The following KCNMB1 variants were observed in gnomAD, a reference collection of about 807,000 sequenced individuals.
KCNMB1 encodes calcium-activated potassium channel subunit beta-1.
Under a neutral mutation model 21.7 loss-of-function variants are expected in KCNMB1, and 22 were observed. The ratio of observed to expected loss-of-function variants is 1.01; its 90% CI spans 0.72 to 1.45. The LOEUF is 1.45. KCNMB1 is among the 40% of genes most tolerant of loss of function. The pLI is 0.00. For synonymous variants in KCNMB1, 114 were observed against 107.6 expected, an observed-to-expected ratio of 1.06 and a Z score of -0.37; for missense variants, 243 against 243.4, an observed-to-expected ratio of 1.00 and a Z score of 0.01.
At chr5:170,386,878 C>T (rs1010074807) in intron 1 of KCNMB1, among the ~76,000 whole-genome samples, 15 of 151,880 alleles carry the variant, frequency 9.9e-5, no homozygotes, top group Non-Finnish European at 1.9e-4. Flanking sequence ...CTTGTTTTTC[C>T]CCTGGACATT....
rs1274065425 is a variant in KCNMB1, at chr5:170,377,021, A to G, written c.*1683T>C. 1 of 152,200 alleles carries G rather than the reference A, an allele frequency of 6.6e-6. No individual in the cohort carries two copies. The highest frequency in any genetic ancestry group is 1.5e-5 in the Non-Finnish European group (1 of 68,048). 9.4% of individuals were successfully genotyped at this position (152,200 alleles called of 1,614,324 possible). A position where few individuals can be genotyped will look rare whatever the true frequency, so the allele number is the denominator to read the frequency against. On this transcript the variant is annotated 3_prime_UTR_variant, in exon 4 of 4. Coordinates refer to ENST00000274629, the MANE Select transcript of KCNMB1 (RefSeq NM_004137.4). The stretch of plus-strand genomic sequence containing the variant: ...TAGATGAAAAAACTAAGAATCAAAG[A>G]GATGAAATCGGGCAGAGTAGAGACA...
intron 3 of KCNMB1, among the ~76,000 whole-genome samples, chr5:170,381,601 G>C (rs1410706202): frequency 2.4e-4 from 37 of 152,196 alleles, no homozygotes; most frequent in Non-Finnish European, 4.6e-4. Context: ...CCCAGCTCCT[G>C]CAGCCTGCTA....
intron 3 of KCNMB1, chr5:170,383,396 C>T (rs1270128648): frequency 1.7e-6 from 1 of 599,710 alleles, no homozygotes; most frequent in Non-Finnish European, 3.0e-6. Flanking sequence ...GATAACAGCT[C>T]TTCAAGGTGC....
chr5:170,385,411 C>T lies in KCNMB1; in HGVS notation c.37G>A (p.Glu13Lys), dbSNP rs776969311. ...ACACCCAGGCAAAGGGCTCGTGTCT[C>T]TCCCCGCTTCTGGGCCATCACCAGC... ...KKLVMAQKRGETRALCLGVTM... is the reference protein window; with the variant it reads ...KKLVMAQKRGKTRALCLGVTM... Residue 13 changes from glutamate to lysine, a missense_variant, in exon 2 of 4, where the codon GAG (glutamate) becomes AAG (lysine). By Grantham distance (56) the Glu-to-Lys change is moderately conservative. Transcript: ENST00000274629. 11 of 1,614,108 alleles carry T rather than the reference C, an allele frequency of 6.8e-6. No homozygotes were observed. Among genetic ancestry groups the T allele is most frequent in the Non-Finnish European group, 9.3e-6 (11 of 1,180,026 alleles).
chr5:170,376,743 TACC>T lies in KCNMB1; in HGVS notation c.*1958_*1960del, dbSNP rs1206582488. On this transcript the variant is annotated 3_prime_UTR_variant, in exon 4 of 4. Coordinates refer to ENST00000274629, the MANE Select transcript of KCNMB1 (RefSeq NM_004137.4). ...TGCATAATATTCCATGACGTATACG[TACC>T]ACATTTTCTTTAATAATGGGTACTA... The T allele has an allele frequency of 6.6e-6, 1 of 152,226 alleles. No individual in the cohort carries two copies. Among genetic ancestry groups the T allele is most frequent in the Admixed American group, 6.5e-5 (1 of 15,286 alleles). 9.4% of individuals were successfully genotyped at this position (152,226 alleles called of 1,614,324 possible).
intron 1 of KCNMB1, among the ~76,000 whole-genome samples, chr5:170,386,994 A>G (rs1278451839): frequency 6.6e-6 from 1 of 151,980 alleles, no homozygotes; most frequent in Admixed American, 6.6e-5. Flanking sequence ...CAGCCCCTCA[A>G]TCTATGCCGC....
rs150688547 is a variant in KCNMB1, at chr5:170,378,953, G to A, written c.327C>T (p.Ser109=). The change falls in exon 4 of 4, where the codon AGC becomes AGT. Residue 109 remains serine, a synonymous_variant. Transcript: ENST00000274629. ...QNQQCSYIPG[S]VDNYQTARAD... ...CCCGGGCCGTCTGGTAATTGTCCAC[G>A]CTGCCTGGGATGTAGGAGCACTGTG... 7.2e-5 allele frequency: 116 copies of A among 1,614,080 alleles called. No homozygotes were observed. In the African/African-American group the frequency reaches 8.4e-4, roughly 12 times the overall value.
chr5:170,384,370 T>G (rs1011760215), intron 2 of KCNMB1, among the ~76,000 whole-genome samples: 15 of 152,202 alleles, frequency 9.9e-5, no homozygotes, highest in African/African-American at 3.6e-4. Flanking sequence ...GCTGTGTTCT[T>G]TCCCCTAAAA....
At position 170,377,234 on chromosome 5, in the gene KCNMB1, C is replaced by T. The variant is rs1462604446; in HGVS notation, c.*1470G>A. ...CTGGCTCGAGGTGTGCCACAGAATC[C>T]CCTACGCATTGTTAGAACACAGAAC... On this transcript the variant is annotated 3_prime_UTR_variant, in exon 4 of 4. Coordinates refer to ENST00000274629, the MANE Select transcript of KCNMB1 (RefSeq NM_004137.4). 6.6e-6 allele frequency: 1 copy of T among 152,230 alleles called. No individual in the cohort carries two copies. Among genetic ancestry groups the T allele is most frequent in the Non-Finnish European group, 1.5e-5 (1 of 68,070 alleles). The allele number at this position is 152,230 out of a possible 1,614,324, so 9.4% of individuals were successfully genotyped here. A position where few individuals can be genotyped will look rare whatever the true frequency, so the allele number is the denominator to read the frequency against.
chr5:170,389,344 A>C lies in KCNMB1; in HGVS notation c.-110T>G, dbSNP rs987773235. On this transcript the variant is annotated 5_prime_UTR_variant, in exon 1 of 4. Transcript: ENST00000274629. ...GCCCCCACCCCAAAAGAGGCCACAG[A>C]GCTTCAGCAGGAAGTTTGGCCTCCC... 6.6e-6 allele frequency: 1 copy of C among 150,698 alleles called. No individual in the cohort carries two copies. The highest frequency in any genetic ancestry group is 1.5e-5 in the Non-Finnish European group (1 of 67,752). 9.3% of individuals were successfully genotyped at this position (150,698 alleles called of 1,614,324 possible). A position where few individuals can be genotyped will look rare whatever the true frequency, so the allele number is the denominator to read the frequency against.
Position 170,378,642 on chromosome 5 carries a change from A to G in KCNMB1, c.*62T>C. 6.6e-7 allele frequency: 1 copy of G among 1,517,300 alleles called. No individual in the cohort carries two copies. The allele number at this position is 1,517,300 out of a possible 1,614,324, so 94.0% of individuals were successfully genotyped here. ...AGGCATTGTGCTGCAAGTGGGGAGC[A>G]GCCCTGGGGGCCCAGCCAGTCCCCT... On this transcript the variant is annotated 3_prime_UTR_variant, in exon 4 of 4. Coordinates refer to ENST00000274629, the MANE Select transcript of KCNMB1 (RefSeq NM_004137.4).
chr5:170,378,590 C>G lies in KCNMB1; in HGVS notation c.*114G>C, dbSNP rs45530435. On this transcript the variant is annotated 3_prime_UTR_variant, in exon 4 of 4. Transcript: ENST00000274629. Reference sequence around the variant, plus strand: ...GCAACAGAAGACAGCGTGGATTGGACTGGAAGAGTGGGAGGGCAGGTGGAG... The same window carrying G: ...GCAACAGAAGACAGCGTGGATTGGAGTGGAAGAGTGGGAGGGCAGGTGGAG... 7.7e-3 allele frequency: 8,602 copies of G among 1,115,388 alleles called. 443 individuals are homozygous for G. The African/African-American group carries it at 0.12, about 15-fold the overall frequency. 69.1% of individuals were successfully genotyped at this position (1,115,388 alleles called of 1,614,324 possible). A position where few individuals can be genotyped will look rare whatever the true frequency, so the allele number is the denominator to read the frequency against.
chr5:170,378,817 G>A lies in KCNMB1; in HGVS notation c.463C>T (p.Gln155Ter), dbSNP rs1764114930. 1 of 1,614,118 alleles carries A rather than the reference G, an allele frequency of 6.2e-7. No homozygotes were observed. Among genetic ancestry groups the A allele is most frequent in the Admixed American group, 1.7e-5 (1 of 60,016 alleles). The change falls in exon 4 of 4, where the codon CAG becomes TAG. Residue 155 changes from glutamine to a stop codon, truncating the protein, a stop_gained. Transcript: ENST00000274629. LOFTEE classifies it high-confidence loss of function. ...SVLFQRLYGP[Q>*]ALLFSLFWPT... Reference sequence around the variant, plus strand: ...CAGAAGAGGGAGAAGAGGAGGGCCTGGGGCCCGTAGAGGCGCTGGAATAGG... The same window carrying A: ...CAGAAGAGGGAGAAGAGGAGGGCCTAGGGCCCGTAGAGGCGCTGGAATAGG...
At chr5:170,383,160 T>A (rs1205434300) in intron 3 of KCNMB1, 1 of 187,266 alleles carries the variant, frequency 5.3e-6, no homozygotes, top group Admixed American at 5.4e-5. Flanking sequence ...GATGCAAGGA[T>A]GGAAAAACCA....
At chr5:170,379,277 A>G (rs1045081125) in intron 3 of KCNMB1, among the ~76,000 whole-genome samples, 10 of 151,680 alleles carry the variant, frequency 6.6e-5, no homozygotes, top group African/African-American at 2.4e-4. Flanking sequence ...CAAATTTCTC[A>G]CTCTTTCTGA....
rs1340380344 is a variant in KCNMB1, at chr5:170,383,811, G to T, written c.174C>A (p.Thr58=). Reference sequence around the variant, plus strand: ...TCAGCTCCTCCTGGTCCCTGATGTTGGTCTCAATCAGGTGGCACTTGGATT... The same window carrying T: ...TCAGCTCCTCCTGGTCCCTGATGTTTGTCTCAATCAGGTGGCACTTGGATT... ...TQESKCHLIE[T]NIRDQEELKG... Residue 58 remains threonine, a synonymous_variant, in exon 3 of 4, where the codon ACC becomes ACA. Transcript: ENST00000274629. 4 of 1,613,952 alleles carry T rather than the reference G, an allele frequency of 2.5e-6. No homozygotes were observed. The highest frequency in any genetic ancestry group is 1.3e-5 in the African/African-American group (1 of 74,894).
In KCNMB1 at chr5:170,375,999, C is replaced by T. The variant is rs1338070126; in HGVS notation, c.*2705G>A. 2 of 152,226 alleles carry T rather than the reference C, an allele frequency of 1.3e-5. No homozygotes were observed. Among genetic ancestry groups the T allele is most frequent in the Non-Finnish European group, 2.9e-5 (2 of 68,086 alleles). 9.4% of individuals were successfully genotyped at this position (152,226 alleles called of 1,614,324 possible). On this transcript the variant is annotated 3_prime_UTR_variant, in exon 4 of 4. Transcript: ENST00000274629. Reference sequence around the variant, plus strand: ...GCCACTGTCCTCTGTTGCTTCTCATCATCTGTGAGGCAGGTTCAGGAGTAT... The same window carrying T: ...GCCACTGTCCTCTGTTGCTTCTCATTATCTGTGAGGCAGGTTCAGGAGTAT...
intron 1 of KCNMB1, among the ~76,000 whole-genome samples, chr5:170,385,683 C>T (rs1448271458): frequency 7.2e-6 from 1 of 139,696 alleles, no homozygotes; most frequent in Non-Finnish European, 1.6e-5. Flanking sequence ...AGACCTACGG[C>T]TCAGAGAGGT....
intron 2 of KCNMB1, among the ~76,000 whole-genome samples, chr5:170,384,523 G>A (rs745417773): frequency 4.6e-5 from 7 of 152,228 alleles, no homozygotes; most frequent in Non-Finnish European, 8.8e-5. Flanking sequence ...AGGCCCGGGA[G>A]AGGCTAACAG....
Sources: gnomAD v4.1 joint callset for allele counts (sites outside exome capture counted in the v4.1 genomes callset) on GRCh38, gnomAD v4.1.1 for gene constraint, MANE v1.5 for transcripts, NCBI Gene and HGNC (gene_info 2026-07-23, HGNC 2026-07-21) for gene names.